The following FERMT1 variants were observed in gnomAD, a reference collection of about 807,000 sequenced individuals.
FERMT1 encodes FERM domain containing kindlin 1, also known as fermitin family homolog 1.
A neutral mutation model predicts 85.3 loss-of-function variants in FERMT1; 60 were observed. The ratio of observed to expected loss-of-function variants is 0.70; its 90% CI spans 0.57 to 0.87. The LOEUF is 0.87. Ranked by LOEUF, FERMT1 falls within the 40% of genes least tolerant of loss-of-function variation. FERMT1 has a pLI of 0.00. For missense variants in FERMT1, 701 were observed against 818.9 expected, an observed-to-expected ratio of 0.86 and a Z score of 1.76; for synonymous variants, 275 against 301.1, an observed-to-expected ratio of 0.91 and a Z score of 0.90.
At chr20:6,085,777 A>G (rs1982163107) in intron 11 of FERMT1, among the ~76,000 whole-genome samples, 1 of 151,478 alleles carries the variant, frequency 6.6e-6, no homozygotes, top group South Asian at 2.1e-4. Flanking sequence ...TGAACTCAGG[A>G]GATGCAGGTT....
At chr20:6,106,101 G>GT (rs921363991) in intron 6 of FERMT1, among the ~76,000 whole-genome samples, 1 of 152,006 alleles carries the variant, frequency 6.6e-6, no homozygotes, top group African/African-American at 2.4e-5. Flanking sequence ...TCACAGTAGA[G>GT]TTAAAAAAAA....
intron 5 of FERMT1, among the ~76,000 whole-genome samples, chr20:6,108,162 G>A (rs554675995): frequency 1.3e-5 from 2 of 152,286 alleles, no homozygotes; most frequent in African/African-American, 2.4e-5. Context: ...CACTGTGCAC[G>A]GCCTCGCTGA....
At chr20:6,113,968 C>A (rs182326340) in intron 3 of FERMT1, among the ~76,000 whole-genome samples, 69 of 152,262 alleles carry the variant, frequency 4.5e-4, no homozygotes, top group African/African-American at 1.6e-3. Context: ...TTGCTGATAA[C>A]CTTTAACTAC....
chr20:6,084,027 A>ACATT lies in FERMT1; in HGVS notation c.1718+9_1718+12dup, dbSNP rs1279837242. ...AATGGAAAGTGTGAGAAACAAGTGA[A>ACATT]CATTGTAATCACCTGACAAGGTAGT... On this transcript the variant is annotated intron_variant, in intron 13 of 14. Transcript: ENST00000217289. 2 of 1,614,158 alleles carry ACATT rather than the reference A, an allele frequency of 1.2e-6. No individual in the cohort carries two copies. The highest frequency in any genetic ancestry group is 1.7e-6 in the Non-Finnish European group (2 of 1,180,012).
At chr20:6,082,469 C>T (rs1245820042) in intron 13 of FERMT1, among the ~76,000 whole-genome samples, 1 of 152,160 alleles carries the variant, frequency 6.6e-6, no homozygotes, top group Non-Finnish European at 1.5e-5. Flanking sequence ...TTCAGGGTTA[C>T]AGGTGAGTGT....
chr20:6,117,895 C>T (rs892501084), intron 2 of FERMT1, among the ~76,000 whole-genome samples: 15 of 151,854 alleles, frequency 9.9e-5, no homozygotes, highest in Admixed American at 9.8e-4. Flanking sequence ...CTCCTGACCT[C>T]AGGTGATCCA....
chr20:6,107,904 C>T (rs925957373), intron 5 of FERMT1, among the ~76,000 whole-genome samples: 1 of 152,172 alleles, frequency 6.6e-6, no homozygotes, highest in Non-Finnish European at 1.5e-5. Flanking sequence ...CTTGCTCTAT[C>T]ACCTAGGCTT....
Position 6,075,848 on chromosome 20 carries a change from T to G in FERMT1, c.*1325A>C, listed in dbSNP as rs1234744592. On this transcript the variant is annotated 3_prime_UTR_variant, in exon 15 of 15. Coordinates refer to ENST00000217289, the MANE Select transcript of FERMT1 (RefSeq NM_017671.5). ...TATGAAAAAATAATAAAATATTGTCTGATATTTCCCTTTACTTCTGGTATT... is the reference window on the plus strand; with the variant it reads ...TATGAAAAAATAATAAAATATTGTCGGATATTTCCCTTTACTTCTGGTATT... 2 of 152,376 alleles carry G rather than the reference T, an allele frequency of 1.3e-5. No homozygotes were observed. The highest frequency in any genetic ancestry group is 2.9e-5 in the Non-Finnish European group (2 of 68,054). The allele number at this position is 152,376 out of a possible 1,614,324, so 9.4% of individuals were successfully genotyped here.
intron 12 of FERMT1, 36 bp from the exon 13 acceptor site, chr20:6,084,200 C>T: frequency 6.3e-7 from 1 of 1,588,560 alleles, no homozygotes; most frequent in Non-Finnish European, 8.6e-7. Flanking sequence ...TCTTCACATG[C>T]ACCGGCTGCT....
At chr20:6,079,661 C>T (rs1981939779) in intron 13 of FERMT1, 84 bp from the exon 14 acceptor site, 1 of 1,285,646 alleles carries the variant, frequency 7.8e-7, no homozygotes, top group South Asian at 1.2e-5. Context: ...CTTAAAAATA[C>T]TACCAGTATT....
chr20:6,099,297 G>T (rs1233271704), intron 6 of FERMT1, among the ~76,000 whole-genome samples: 1 of 151,926 alleles, frequency 6.6e-6, no homozygotes, highest in Non-Finnish European at 1.5e-5. Flanking sequence ...CAGCTACTTG[G>T]GGGAGGGTGA....
intron 6 of FERMT1, among the ~76,000 whole-genome samples, chr20:6,107,118 C>T (rs989807150): frequency 7.7e-6 from 1 of 130,046 alleles, no homozygotes. Context: ...ATCGCTTGAA[C>T]CCGGGAGGTG....
chr20:6,093,738 C>G (rs1394332834), intron 9 of FERMT1, among the ~76,000 whole-genome samples: 1 of 152,192 alleles, frequency 6.6e-6, no homozygotes, highest in Non-Finnish European at 1.5e-5. Context: ...AGGCGGATCA[C>G]CTGAGGTCAG....
intron 6 of FERMT1, among the ~76,000 whole-genome samples, 186 bp from the exon 7 acceptor site, chr20:6,097,817 A>G (rs1382483958): frequency 6.8e-6 from 1 of 146,182 alleles, no homozygotes; most frequent in African/African-American, 2.6e-5. Context: ...TTTTTTTTTT[A>G]ATTTTTTATT....
chr20:6,085,511 A>G (rs1197850239), intron 11 of FERMT1, among the ~76,000 whole-genome samples: 6 of 152,176 alleles, frequency 3.9e-5, no homozygotes, highest in Admixed American at 3.3e-4. Flanking sequence ...GCTAGAGGAT[A>G]GGAATGTCAA....
chr20:6,084,085 G>T lies in FERMT1; in HGVS notation c.1673C>A (p.Ala558Glu). 2 of 1,614,048 alleles carry T rather than the reference G, an allele frequency of 1.2e-6. No individual in the cohort carries two copies. The highest frequency in any genetic ancestry group is 1.7e-6 in the Non-Finnish European group (2 of 1,179,998). ...GCCAAACTCAGGCAGTGACTGCCACGCCTGGATGAACCGCAGCTTGGCTTC... is the reference window on the plus strand; with the variant it reads ...GCCAAACTCAGGCAGTGACTGCCACTCCTGGATGAACCGCAGCTTGGCTTC... ...LVEAKLRFIQ[A>E]WQSLPEFGLT... The change falls in exon 13 of 15, where the codon GCG becomes GAG. Residue 558 changes from alanine to glutamate, a missense_variant. Coordinates refer to ENST00000217289, the MANE Select transcript of FERMT1 (RefSeq NM_017671.5).
rs138474338 is a variant in FERMT1, at chr20:6,107,646, C to T, written c.747-12G>A. 1.9e-4 allele frequency: 294 copies of T among 1,520,698 alleles called. No homozygotes were observed. The African/African-American group carries it at 3.5e-3, about 18-fold the overall frequency. The allele number at this position is 1,520,698 out of a possible 1,614,324, so 94.2% of individuals were successfully genotyped here. On this transcript the variant is annotated splice_polypyrimidine_tract_variant and intron_variant, in intron 5 of 14. Transcript: ENST00000217289. ...AGGAGTCTAGCCAACTAGAAAATGA[C>T]AGCATGAGTTTTAGAAGCCAGTCAA...
chr20:6,092,530 G>A (rs1982396617), intron 9 of FERMT1, among the ~76,000 whole-genome samples: 2 of 151,220 alleles, frequency 1.3e-5, no homozygotes, highest in African/African-American at 4.8e-5. Context: ...GTGACAGAAC[G>A]AGACTTTGTC....
At chr20:6,112,928 C>T (rs1982997242) in intron 3 of FERMT1, among the ~76,000 whole-genome samples, 1 of 152,206 alleles carries the variant, frequency 6.6e-6, no homozygotes, top group Admixed American at 6.5e-5. Flanking sequence ...TTCATGGGCT[C>T]CCCAGCTTCA....
Sources: allele counts gnomAD v4.1 joint callset (sites outside exome capture counted in the v4.1 genomes callset), GRCh38; gene constraint gnomAD v4.1.1; transcripts MANE v1.5; gene names NCBI Gene and HGNC (gene_info 2026-07-23, HGNC 2026-07-21).